SRRM4: variants seen among roughly 807,000 people sequenced by gnomAD.
SRRM4 encodes serine/arginine repetitive matrix 4, also known as serine/arginine repetitive matrix protein 4.
A neutral mutation model predicts 68.9 loss-of-function variants in SRRM4; 33 were observed. The ratio of observed to expected loss-of-function variants is 0.48; its 90% confidence interval spans 0.36 to 0.64. The LOEUF is 0.64. Ranked by LOEUF, SRRM4 falls within the 30% of genes least tolerant of loss-of-function variation. The pLI, the probability that SRRM4 is intolerant of heterozygous loss-of-function variation, is 0.00. For missense variants in SRRM4, 817 were observed against 827.1 expected, an observed-to-expected ratio of 0.99 and a Z score of 0.15; for synonymous variants, 318 against 318.8, an observed-to-expected ratio of 1.00 and a Z score of 0.03.
chr12:119,061,882 A>C (rs1032612916), intron 1 of SRRM4, among the ~76,000 whole-genome samples: 1 of 152,136 alleles, frequency 6.6e-6, no homozygotes, highest in Non-Finnish European at 1.5e-5. Context: ...GTGTCTCCAG[A>C]TATTTTTAAA....
chr12:119,009,081 A>G (rs1392412116), intron 1 of SRRM4, among the ~76,000 whole-genome samples: 1 of 151,536 alleles, frequency 6.6e-6, no homozygotes, highest in Non-Finnish European at 1.5e-5. Context: ...TCACATACAC[A>G]CACTCGCTCG....
At chr12:119,141,879 A>G (rs1193724752) in intron 8 of SRRM4, among the ~76,000 whole-genome samples, 1 of 152,230 alleles carries the variant, frequency 6.6e-6, no homozygotes, top group Non-Finnish European at 1.5e-5. Context: ...AGATTCAGTG[A>G]ATGAATGAAG....
chr12:119,004,301 T>C (rs1953402900), intron 1 of SRRM4, among the ~76,000 whole-genome samples: 1 of 152,048 alleles, frequency 6.6e-6, no homozygotes. Context: ...ACAACCATTC[T>C]GCTCCTTGCG....
At chr12:119,079,437 G>C (rs537088423) in intron 1 of SRRM4, among the ~76,000 whole-genome samples, 1 of 152,200 alleles carries the variant, frequency 6.6e-6, no homozygotes, top group Non-Finnish European at 1.5e-5. Context: ...GGGAGACAGA[G>C]AGACCAATTA....
At chr12:119,082,370 T>C (rs933614636) in intron 1 of SRRM4, among the ~76,000 whole-genome samples, 1 of 152,100 alleles carries the variant, frequency 6.6e-6, no homozygotes, top group South Asian at 2.1e-4. Context: ...TTTCAGCCAG[T>C]GTAATTTGGG....
intron 8 of SRRM4, chr12:119,133,038 G>A (rs1183541585): frequency 2.0e-5 from 3 of 152,144 alleles, no homozygotes; most frequent in Non-Finnish European, 4.4e-5. Flanking sequence ...TGATACAGGT[G>A]CAAAACTTGA....
rs746211078 is a variant in SRRM4 at position 119,156,660 on chromosome 12, G to C, written c.1698G>C (p.Thr566=). 1.3e-5 allele frequency: 21 copies of C among 1,572,874 alleles called. No homozygotes were observed. The Admixed American group carries it at 3.5e-4, about 26-fold the overall frequency. Residue 566 remains threonine, a synonymous_variant, in exon 13 of 13, where the codon ACG becomes ACC. Transcript: ENST00000267260. ...SRSRRRSRTR[T]SSSSSSRSPS... The stretch of plus-strand genomic sequence containing the variant: ...GCCGGAGACGGAGCCGGACCCGCAC[G>C]AGCAGCAGCTCTAGCTCCCGCAGCC...
In SRRM4 at chr12:119,161,901, A is replaced by G. The variant is rs1954516332; in HGVS notation, c.*5103A>G. On this transcript the variant is annotated 3_prime_UTR_variant, in exon 13 of 13. Coordinates refer to ENST00000267260, the MANE Select transcript of SRRM4 (RefSeq NM_194286.4). ...CAACTCCTTGAAAAAAAAAATAAAGAAAAATTGTAAACTCTTTTTTTTTTC... is the reference window on the plus strand; with the variant it reads ...CAACTCCTTGAAAAAAAAAATAAAGGAAAATTGTAAACTCTTTTTTTTTTC... 6.6e-6 allele frequency: 1 copy of G among 152,188 alleles called. No homozygotes were observed. Among genetic ancestry groups the G allele is most frequent in the Admixed American group, 6.5e-5 (1 of 15,284 alleles). The allele number at this position is 152,188 out of a possible 1,614,324, so 9.4% of individuals were successfully genotyped here. A position where few individuals can be genotyped will look rare whatever the true frequency, so the allele number is the denominator to read the frequency against.
At chr12:119,114,821 C>T (rs1372425906) in intron 3 of SRRM4, among the ~76,000 whole-genome samples, 5 of 151,888 alleles carry the variant, frequency 3.3e-5, no homozygotes, top group Admixed American at 6.6e-5. Context: ...CCCGCCACCA[C>T]GCCAGGCTAA....
chr12:119,109,927 C>T (rs1484972672), intron 2 of SRRM4, among the ~76,000 whole-genome samples: 1 of 151,950 alleles, frequency 6.6e-6, no homozygotes, highest in East Asian at 1.9e-4. Context: ...TTTAGCTTTT[C>T]TGCTCTGGTT....
chr12:119,075,598 GAT>G (rs1491045839), intron 1 of SRRM4, among the ~76,000 whole-genome samples: 10 of 148,070 alleles, frequency 6.8e-5, no homozygotes, highest in African/African-American at 2.2e-4. Context: ...TGATGATGAT[GAT>G]GTTGATGATG....
rs900770594 is a variant in SRRM4, at chr12:119,157,095, C to T, written c.*297C>T. On this transcript the variant is annotated 3_prime_UTR_variant, in exon 13 of 13. Transcript: ENST00000267260. This position sits in a 1 kb window ranked among gnomAD's most constrained non-coding sequence, Gnocchi z 4.1. The stretch of plus-strand genomic sequence containing the variant: ...GAAAACTTCAAGGTTTTGTGAGAAG[C>T]AATGGGTCTGTGACTCAAAAATTGA... 1 of 396,644 alleles carries T rather than the reference C, an allele frequency of 2.5e-6. No individual in the cohort carries two copies. Among genetic ancestry groups the T allele is most frequent in the African/African-American group, 2.1e-5 (1 of 48,000 alleles). The allele number at this position is 396,644 out of a possible 1,614,324, so 24.6% of individuals were successfully genotyped here.
intron 1 of SRRM4, among the ~76,000 whole-genome samples, chr12:118,998,213 T>C (rs150170234): frequency 4.2e-4 from 59 of 140,830 alleles, no homozygotes; most frequent in African/African-American, 1.5e-3. Flanking sequence ...AGATATTTCT[T>C]AGAGTGCCAG....
Position 119,154,445 on chromosome 12 carries a change from T to C in SRRM4, c.1532+62T>C, listed in dbSNP as rs1943657265. The C allele has an allele frequency of 1.9e-6, 3 of 1,580,576 alleles. No individual in the cohort carries two copies. The highest frequency in any genetic ancestry group is 3.5e-5 in the Admixed American group (2 of 57,194). ...TCGTTCCCACTCCCATTCTTACTCA[T>C]TCGAGCCTCAGGCTCTCCCTAGGCC... On this transcript the variant is annotated intron_variant, in intron 12 of 12. Transcript: ENST00000267260. This position sits in a 1 kb window ranked among gnomAD's most constrained non-coding sequence, Gnocchi z 4.7.
chr12:119,088,694 G>A (rs531652711), intron 1 of SRRM4, among the ~76,000 whole-genome samples: 14 of 151,370 alleles, frequency 9.2e-5, no homozygotes, highest in African/African-American at 2.7e-4. Context: ...TAATAAGTGG[G>A]GGGCCACAAA....
In SRRM4 at chr12:119,161,133, A is replaced by G. The variant is rs1231593229; in HGVS notation, c.*4335A>G. Reference sequence around the variant, plus strand: ...AGAAAGCACATTGTTTTCCTTCTCCAGTCCAACTTTCATCTTTTCTTCTGC... The same window carrying G: ...AGAAAGCACATTGTTTTCCTTCTCCGGTCCAACTTTCATCTTTTCTTCTGC... On this transcript the variant is annotated 3_prime_UTR_variant, in exon 13 of 13. Coordinates refer to ENST00000267260, the MANE Select transcript of SRRM4 (RefSeq NM_194286.4). 6.6e-6 allele frequency: 1 copy of G among 152,228 alleles called. No individual in the cohort carries two copies. The highest frequency in any genetic ancestry group is 2.4e-5 in the African/African-American group (1 of 41,460). 9.4% of individuals were successfully genotyped at this position (152,228 alleles called of 1,614,324 possible).
intron 6 of SRRM4, 116 bp from the exon 7 acceptor site, chr12:119,125,265 G>C (rs1954249598): frequency 1.1e-6 from 1 of 897,378 alleles, no homozygotes; most frequent in Non-Finnish European, 1.7e-6. Context: ...GAGAACTTCG[G>C]GAGGGATGGT....
chr12:119,148,949 G>A (rs775081057), intron 9 of SRRM4, among the ~76,000 whole-genome samples: 1 of 152,204 alleles, frequency 6.6e-6, no homozygotes. Flanking sequence ...CTGGTGAGGT[G>A]GGAGGGGTGG....
chr12:119,148,730 T>A (rs531451748), intron 9 of SRRM4, among the ~76,000 whole-genome samples: 1 of 152,322 alleles, frequency 6.6e-6, no homozygotes, highest in African/African-American at 2.4e-5. Context: ...CTGAGAGACA[T>A]CTAGCAGTTA....
Sources: allele counts gnomAD v4.1 joint callset (sites outside exome capture counted in the v4.1 genomes callset), GRCh38; gene constraint gnomAD v4.1.1; non-coding constraint Gnocchi (gnomAD v3.1); transcripts MANE v1.5; gene names NCBI Gene and HGNC (gene_info 2026-07-23, HGNC 2026-07-21).